Variants in CA10 observed in about 807,000 individuals in gnomAD.
The protein encoded by CA10 is carbonic anhydrase 10 (inactive), also known as carbonic anhydrase-related protein 10.
Under a neutral mutation model 44.2 loss-of-function variants are expected in CA10, and 14 were observed. The ratio of observed to expected loss-of-function variants is 0.32; its 90% confidence interval spans 0.21 to 0.50. The LOEUF is 0.50. Ranked by LOEUF, CA10 falls within the 20% of genes least tolerant of loss-of-function variation. The pLI, the probability that CA10 is intolerant of heterozygous loss-of-function variation, is 0.99. For synonymous variants in CA10, 159 were observed against 141.6 expected, an observed-to-expected ratio of 1.12 and a Z score of -0.87; for missense variants, 350 against 409.7, an observed-to-expected ratio of 0.85 and a Z score of 1.26.
chr17:52,074,562 T>C (rs1213027226), intron 1 of CA10, among the ~76,000 whole-genome samples: 1 of 152,202 alleles, frequency 6.6e-6, no homozygotes. Context: ...GGAAGCTGCA[T>C]TATCTTGCAT....
At chr17:51,670,487 CTT>C (rs540965357) in intron 4 of CA10, among the ~76,000 whole-genome samples, 5 of 146,140 alleles carry the variant, frequency 3.4e-5, no homozygotes, top group Admixed American at 1.4e-4. Context: ...GTCCGCATTC[CTT>C]TTTTTTTTTT....
intron 1 of CA10, among the ~76,000 whole-genome samples, chr17:52,145,037 C>T (rs190010906): frequency 2.0e-5 from 3 of 152,252 alleles, no homozygotes; most frequent in Admixed American, 1.3e-4. Flanking sequence ...ATAATGTTTT[C>T]GATGAATGCT....
intron 4 of CA10, among the ~76,000 whole-genome samples, chr17:51,716,742 T>C (rs1054664467): frequency 1.3e-5 from 2 of 152,204 alleles, no homozygotes; most frequent in African/African-American, 4.8e-5. Flanking sequence ...CAGGCCTCAA[T>C]AAATGTTGAA....
chr17:51,872,824 G>A (rs955628841), intron 3 of CA10, among the ~76,000 whole-genome samples: 1 of 152,182 alleles, frequency 6.6e-6, no homozygotes, highest in Non-Finnish European at 1.5e-5. Flanking sequence ...GGAGCTTATT[G>A]TTAGGTTCTT....
intron 4 of CA10, among the ~76,000 whole-genome samples, chr17:51,711,792 C>T (rs1915950477): frequency 6.6e-6 from 1 of 152,214 alleles, no homozygotes; most frequent in Admixed American, 6.5e-5. Context: ...GCCTCTGATG[C>T]CCCTTGGCAT....
At chr17:51,810,683 A>C (rs2042103332) in intron 3 of CA10, among the ~76,000 whole-genome samples, 1 of 152,216 alleles carries the variant, frequency 6.6e-6, no homozygotes, top group African/African-American at 2.4e-5. Context: ...TGACATGATC[A>C]AATCAGCATT....
intron 3 of CA10, among the ~76,000 whole-genome samples, chr17:51,892,387 C>T (rs1359372670): frequency 6.6e-6 from 1 of 152,066 alleles, no homozygotes; most frequent in African/African-American, 2.4e-5. Context: ...ATTATGTATA[C>T]TGTTGTTTTA....
intron 3 of CA10, among the ~76,000 whole-genome samples, chr17:51,843,695 ATAT>A (rs1303472119): frequency 6.6e-6 from 1 of 152,186 alleles, no homozygotes; most frequent in Non-Finnish European, 1.5e-5. Flanking sequence ...AGTAATTCTA[ATAT>A]TATTACTTTT....
intron 2 of CA10, among the ~76,000 whole-genome samples, chr17:52,069,888 A>T (rs76186051): frequency 5.3e-4 from 80 of 152,346 alleles, no homozygotes; most frequent in African/African-American, 1.9e-3. Context: ...GTTCAGTCAT[A>T]TCAAGTTCTC....
At chr17:51,806,868 A>T (rs1294229612) in intron 3 of CA10, among the ~76,000 whole-genome samples, 1 of 152,216 alleles carries the variant, frequency 6.6e-6, no homozygotes, top group Non-Finnish European at 1.5e-5. Context: ...GATAACAGGC[A>T]TTATGTTATG....
At chr17:52,130,706 C>CT (rs1369229930) in intron 1 of CA10, among the ~76,000 whole-genome samples, 21 of 150,890 alleles carry the variant, frequency 1.4e-4, no homozygotes, top group Non-Finnish European at 2.2e-4. Context: ...TTCTTTCTTT[C>CT]TTTTTTTTTG....
At chr17:52,065,473 G>A (rs1987511168) in intron 2 of CA10, among the ~76,000 whole-genome samples, 1 of 152,128 alleles carries the variant, frequency 6.6e-6, no homozygotes, top group African/African-American at 2.4e-5. Context: ...GTGCATGGAA[G>A]GCCTGAGGTA....
At chr17:51,804,820 A>G (rs1377470914) in intron 3 of CA10, among the ~76,000 whole-genome samples, 2 of 152,220 alleles carry the variant, frequency 1.3e-5, no homozygotes, top group Non-Finnish European at 2.9e-5. Flanking sequence ...TACCTTAGAG[A>G]ATGCAAAATC....
At chr17:51,949,934 A>C (rs1344721751) in intron 2 of CA10, among the ~76,000 whole-genome samples, 1 of 152,150 alleles carries the variant, frequency 6.6e-6, no homozygotes, top group Non-Finnish European at 1.5e-5. Flanking sequence ...TGGGGAAAAA[A>C]ATTTGCGTGC....
Position 51,663,688 on chromosome 17 carries a change from GC to G in CA10, c.466-9953del, listed in dbSNP as rs144041588. On this transcript the variant is annotated intron_variant, in intron 4 of 8. Transcript: ENST00000451037. The stretch of plus-strand genomic sequence containing the variant: ...AAATGCAGTGCCTGGCACAAAGTAA[GC>G]CCTCATTAAATGGGAGTTGCAGTGA... Among the ~76,000 whole-genome samples, 1,261 of 152,318 alleles carry G rather than the reference GC, an allele frequency of 8.3e-3. 13 individuals are homozygous for G. The highest frequency in any genetic ancestry group is 0.029 in the African/African-American group (1,208 of 41,574).
rs551567916 is a variant in CA10, at chr17:52,137,989, A to G, written c.61+19737T>C. ...TTTCCCATTGCTGCTGTAACAAATTACTACACATTTAGTAGCTTAAAACAA... is the reference window on the plus strand; with the variant it reads ...TTTCCCATTGCTGCTGTAACAAATTGCTACACATTTAGTAGCTTAAAACAA... On this transcript the variant is annotated intron_variant, in intron 1 of 8. Coordinates refer to ENST00000451037, the MANE Select transcript of CA10 (RefSeq NM_020178.5). Among the ~76,000 whole-genome samples the G allele has an allele frequency of 1.8e-4, 28 of 152,362 alleles. No homozygotes were observed. In the South Asian group the frequency reaches 4.8e-3, roughly 26 times the overall value.
intron 1 of CA10, among the ~76,000 whole-genome samples, chr17:52,148,780 G>T (rs1989642822): frequency 6.6e-6 from 1 of 152,144 alleles, no homozygotes; most frequent in Non-Finnish European, 1.5e-5. Context: ...TCACACATTT[G>T]TGTGTCACTA....
At chr17:51,715,756 T>A (rs530403728) in intron 4 of CA10, among the ~76,000 whole-genome samples, 49 of 152,264 alleles carry the variant, frequency 3.2e-4, no homozygotes, top group South Asian at 2.1e-3. Flanking sequence ...ACTGGCTCAA[T>A]CTCAGCTCAC....
At chr17:51,829,623 T>C (rs892105021) in intron 3 of CA10, among the ~76,000 whole-genome samples, 5 of 152,190 alleles carry the variant, frequency 3.3e-5, no homozygotes, top group Non-Finnish European at 7.3e-5. Flanking sequence ...AGGTACCTAG[T>C]ATATGCCAGG....
Sources: gnomAD v4.1 joint callset for allele counts (sites outside exome capture counted in the v4.1 genomes callset) on GRCh38, gnomAD v4.1.1 for gene constraint, MANE v1.5 for transcripts, NCBI Gene and HGNC (gene_info 2026-07-23, HGNC 2026-07-21) for gene names.